PIK3R1: variants seen among roughly 807,000 people sequenced by gnomAD.
The protein encoded by PIK3R1 is phosphatidylinositol 3-kinase regulatory subunit alpha.
In PIK3R1, 29 loss-of-function variants were observed where a neutral mutation model predicts 98.0. That is an observed-to-expected ratio of 0.30 (90% CI 0.22 to 0.40). PIK3R1 has a LOEUF of 0.40. PIK3R1 is among the 10% of genes least tolerant of loss of function. The probability of loss-of-function intolerance (pLI) is 1.00; values close to 1 mark genes in which losing one functional copy is unlikely to be tolerated. For missense variants in PIK3R1, 596 were observed against 872.7 expected (o/e 0.68, Z 3.99); for synonymous variants, 282 against 311.8 (o/e 0.90, Z 1.01).
intron 7 of PIK3R1, among the ~76,000 whole-genome samples, chr5:68,281,997 A>G (rs144839321): frequency 2.8e-4 from 43 of 152,262 alleles, no homozygotes; most frequent in Non-Finnish European, 5.0e-4. Flanking sequence ...AGGATAGAGG[A>G]TAGGGTAGGT....
Position 68,295,131 on chromosome 5 carries a change from GT to G in PIK3R1, c.1569-14del. 6.2e-7 allele frequency: 1 copy of G among 1,608,508 alleles called. No homozygotes were observed. Among genetic ancestry groups the G allele is most frequent in the South Asian group, 1.1e-5 (1 of 90,602 alleles). On this transcript the variant is annotated splice_polypyrimidine_tract_variant and intron_variant, in intron 12 of 15. Transcript: ENST00000521381. ...GATGTACCCAGATAATAACAAATAC[GT>G]TTCTTTTGCCTGCAGGATTATGCAT... is the stretch of plus-strand genomic sequence containing the variant.
At chr5:68,265,709 C>A (rs746225196) in intron 2 of PIK3R1, among the ~76,000 whole-genome samples, 4 of 152,132 alleles carry the variant, frequency 2.6e-5, no homozygotes, top group South Asian at 2.1e-4. Context: ...ACAATTCAGT[C>A]TGTAGCAACT....
At chr5:68,265,666 C>G (rs1342363570) in intron 2 of PIK3R1, among the ~76,000 whole-genome samples, 1 of 152,090 alleles carries the variant, frequency 6.6e-6, no homozygotes, top group Non-Finnish European at 1.5e-5. Context: ...CATTGAGGGT[C>G]AGGGCGTCAA....
chr5:68,263,041 A>G (rs1484628631), intron 2 of PIK3R1, among the ~76,000 whole-genome samples: 1 of 124,362 alleles, frequency 8.0e-6, no homozygotes, highest in African/African-American at 3.1e-5. Context: ...ACATGTATAC[A>G]TATATACATG....
intron 4 of PIK3R1, among the ~76,000 whole-genome samples, chr5:68,275,776 A>G (rs1489162737): frequency 6.6e-6 from 1 of 152,224 alleles, no homozygotes; most frequent in Non-Finnish European, 1.5e-5. Context: ...TTTTCAATAC[A>G]TAAAAACATT....
chr5:68,257,407 C>T (rs983911704), intron 2 of PIK3R1, among the ~76,000 whole-genome samples: 2 of 151,648 alleles, frequency 1.3e-5, no homozygotes, highest in South Asian at 2.1e-4. Context: ...AGGCAGGCCC[C>T]GGTAATTACG....
chr5:68,290,730 T>C (rs756866569), intron 7 of PIK3R1: 6 of 1,604,544 alleles, frequency 3.7e-6, no homozygotes, highest in Non-Finnish European at 5.1e-6. Context: ...CTTGCACAAA[T>C]GTACAATACT....
rs1747818818 is a variant in PIK3R1, at chr5:68,297,850, T to A, written c.*249T>A. The A allele has an allele frequency of 5.9e-6, 2 of 340,462 alleles. No homozygotes were observed. Among genetic ancestry groups the A allele is most frequent in the African/African-American group, 4.2e-5 (2 of 47,716 alleles). The allele number at this position is 340,462 out of a possible 1,614,324, so 21.1% of individuals were successfully genotyped here. A position where few individuals can be genotyped will look rare whatever the true frequency, so the allele number is the denominator to read the frequency against. Reference sequence around the variant, plus strand: ...TTTTTCTTTTTTTCTTTGGTTTAATTTAAAGCCACAACCACATACAACACA... The same window carrying A: ...TTTTTCTTTTTTTCTTTGGTTTAATATAAAGCCACAACCACATACAACACA... On this transcript the variant is annotated 3_prime_UTR_variant, in exon 16 of 16. Coordinates refer to ENST00000521381, the MANE Select transcript of PIK3R1 (RefSeq NM_181523.3).
intron 2 of PIK3R1, among the ~76,000 whole-genome samples, chr5:68,248,958 A>G (rs1368037528): frequency 6.6e-6 from 1 of 152,230 alleles, no homozygotes; most frequent in East Asian, 1.9e-4. Context: ...GCATACTGCT[A>G]TGGATGTCAG....
intron 2 of PIK3R1, among the ~76,000 whole-genome samples, chr5:68,251,659 GT>G (rs1745313262): frequency 6.6e-6 from 1 of 152,098 alleles, no homozygotes; most frequent in Admixed American, 6.5e-5. Context: ...CTGCAAAAAA[GT>G]AGGAAGCTTT....
intron 11 of PIK3R1, among the ~76,000 whole-genome samples, chr5:68,294,243 C>A (rs1747562345): frequency 6.6e-6 from 1 of 152,198 alleles, no homozygotes; most frequent in Non-Finnish European, 1.5e-5. Flanking sequence ...TTATTCTTCA[C>A]TGGTCACTCA....
At chr5:68,278,013 C>T (rs1387322807) in intron 4 of PIK3R1, among the ~76,000 whole-genome samples, 1 of 152,114 alleles carries the variant, frequency 6.6e-6, no homozygotes, top group Admixed American at 6.6e-5. Flanking sequence ...GTACATCCTT[C>T]AGCAGCAGCC....
intron 2 of PIK3R1, 24 bp downstream of exon 2, chr5:68,227,033 T>G (rs1744304717): frequency 6.4e-7 from 1 of 1,555,296 alleles, no homozygotes; most frequent in Non-Finnish European, 8.7e-7. Context: ...AGTGGTTGCT[T>G]AATGACTCCC....
At chr5:68,284,505 A>G (rs1016043443) in intron 7 of PIK3R1, among the ~76,000 whole-genome samples, 1 of 152,262 alleles carries the variant, frequency 6.6e-6, no homozygotes, top group Non-Finnish European at 1.5e-5. Flanking sequence ...GCCTTTGCAC[A>G]GTGCACAAAA....
chr5:68,223,787 C>T (rs1480018235), intron 1 of PIK3R1, among the ~76,000 whole-genome samples: 1 of 152,208 alleles, frequency 6.6e-6, no homozygotes, highest in African/African-American at 2.4e-5. Flanking sequence ...GACTCAAGCA[C>T]AGCTTTTAGG....
intron 2 of PIK3R1, among the ~76,000 whole-genome samples, chr5:68,249,711 TA>T (rs1419219957): frequency 6.6e-6 from 1 of 152,160 alleles, no homozygotes; most frequent in Non-Finnish European, 1.5e-5. Flanking sequence ...AATAGGTGTT[TA>T]TAGTCACCAA....
chr5:68,249,779 C>T (rs535203695), intron 2 of PIK3R1, among the ~76,000 whole-genome samples: 3 of 151,830 alleles, frequency 2.0e-5, no homozygotes, highest in Non-Finnish European at 4.4e-5. Flanking sequence ...GGGTGGGGGG[C>T]GTTAACATAG....
intron 1 of PIK3R1, among the ~76,000 whole-genome samples, chr5:68,222,139 T>C (rs1744112479): frequency 6.6e-6 from 1 of 152,190 alleles, no homozygotes; most frequent in Non-Finnish European, 1.5e-5. Flanking sequence ...AAAAATAGTT[T>C]AGTGGGCAGG....
At chr5:68,288,901 C>A in intron 7 of PIK3R1, 1 of 790,916 alleles carries the variant, frequency 1.3e-6, no homozygotes, top group Non-Finnish European at 2.2e-6. Context: ...CTCCCCCTGT[C>A]CTCGAGGGGG....
Sources: gnomAD v4.1 joint callset for allele counts (sites outside exome capture counted in the v4.1 genomes callset) on GRCh38, gnomAD v4.1.1 for gene constraint, MANE v1.5 for transcripts, NCBI Gene and HGNC (gene_info 2026-07-23, HGNC 2026-07-21) for gene names.